The following CELF2 variants were observed in gnomAD, a reference collection of about 807,000 sequenced individuals.
The protein encoded by CELF2 is CUG triplet repeat RNA-binding protein 2.
Under a neutral mutation model 62.6 loss-of-function variants are expected in CELF2, and 8 were observed. The observed-to-expected ratio is 0.13, with a 90% CI of 0.07 to 0.23. CELF2 has a LOEUF of 0.23. Ranked by LOEUF, CELF2 falls within the 10% of genes least tolerant of loss-of-function variation. The pLI is 1.00. For missense variants in CELF2, 333 were observed against 671.0 expected, an observed-to-expected ratio of 0.50 and a Z score of 5.56; for synonymous variants, 258 against 250.0, an observed-to-expected ratio of 1.03 and a Z score of -0.30.
the CELF2 span, among the ~76,000 whole-genome samples, chr10:10,673,060 A>G: frequency 1.3e-5 from 2 of 152,036 alleles, no homozygotes; most frequent in Non-Finnish European, 2.9e-5. Context: ...ACTAATGCAA[A>G]TGGTATTGTG....
At chr10:10,913,254 GA>G (rs1401860630) in intron 1 of CELF2, among the ~76,000 whole-genome samples, 1 of 151,940 alleles carries the variant, frequency 6.6e-6, no homozygotes, top group Admixed American at 6.6e-5. Flanking sequence ...AGTGTCTTTA[GA>G]TTTTGTTTAA....
the CELF2 span, among the ~76,000 whole-genome samples, chr10:10,730,406 G>C: frequency 6.6e-6 from 1 of 152,174 alleles, no homozygotes; most frequent in African/African-American, 2.4e-5. Context: ...GAACCCGGGA[G>C]GCAGAAGTTG....
At chr10:10,495,033 T>C in the CELF2 span, among the ~76,000 whole-genome samples, 2 of 152,060 alleles carry the variant, frequency 1.3e-5, no homozygotes, top group Admixed American at 6.5e-5. Flanking sequence ...TCCCAGCACT[T>C]TGGGAGGCCG....
At position 11,316,428 on chromosome 10, in the gene CELF2, T is replaced by C. The variant is rs893567010; in HGVS notation, c.1096+2170T>C. Among the ~76,000 whole-genome samples the C allele has an allele frequency of 2.6e-5, 4 of 152,242 alleles. No individual in the cohort carries two copies. The highest frequency in any genetic ancestry group is 9.6e-5 in the African/African-American group (4 of 41,458). ...TGACCTCGAGCTAATATTTGCTGCTTGTCTCTAAATATCAACAGAAAACCT... is the reference window on the plus strand; with the variant it reads ...TGACCTCGAGCTAATATTTGCTGCTCGTCTCTAAATATCAACAGAAAACCT... On this transcript the variant is annotated intron_variant, in intron 10 of 12. Coordinates refer to ENST00000633077, the MANE Select transcript of CELF2 (RefSeq NM_001326342.2). This position sits in a 1 kb window ranked among gnomAD's most constrained non-coding sequence, Gnocchi z 4.4.
chr10:11,142,683 CAAAAAAA>C (rs1006618543), intron 1 of CELF2, among the ~76,000 whole-genome samples: 1 of 63,714 alleles, frequency 1.6e-5, no homozygotes, highest in Non-Finnish European at 3.2e-5. Context: ...GACGCTGTCT[CAAAAAAA>C]AAAAAAAAAA....
chr10:11,125,184 G>A (rs977596032), intron 1 of CELF2, among the ~76,000 whole-genome samples: 7 of 152,144 alleles, frequency 4.6e-5, no homozygotes, highest in Non-Finnish European at 7.3e-5. Flanking sequence ...GAGGACCTCT[G>A]GGCCCAGCTG....
the CELF2 span, among the ~76,000 whole-genome samples, chr10:10,567,280 A>C: frequency 6.6e-6 from 1 of 152,250 alleles, no homozygotes; most frequent in African/African-American, 2.4e-5. Flanking sequence ...CAAACCGACC[A>C]GGAAAAGTGC....
the CELF2 span, among the ~76,000 whole-genome samples, chr10:10,538,220 G>A: frequency 6.6e-6 from 1 of 152,064 alleles, no homozygotes; most frequent in Non-Finnish European, 1.5e-5. Context: ...CAAGTTGGAA[G>A]ATGAGCTGAC....
At chr10:10,550,240 C>T in the CELF2 span, among the ~76,000 whole-genome samples, 4 of 152,162 alleles carry the variant, frequency 2.6e-5, no homozygotes, top group Non-Finnish European at 5.9e-5. Context: ...AAAATATTCA[C>T]TCTTCTTTAA....
chr10:10,826,159 G>T (rs1258829166), intron 1 of CELF2, among the ~76,000 whole-genome samples: 3 of 151,842 alleles, frequency 2.0e-5, no homozygotes, highest in Admixed American at 1.3e-4. Context: ...AACTAATAGT[G>T]ATTGGATGGG....
At chr10:10,558,489 A>T in the CELF2 span, among the ~76,000 whole-genome samples, 2 of 151,752 alleles carry the variant, frequency 1.3e-5, no homozygotes, top group Admixed American at 6.6e-5. Context: ...TATTGGCCTA[A>T]AATTCTCTTT....
intron 2 of CELF2, among the ~76,000 whole-genome samples, chr10:10,965,894 C>G (rs2050070325): frequency 6.6e-6 from 1 of 152,176 alleles, no homozygotes; most frequent in Non-Finnish European, 1.5e-5. Context: ...GGATCATATT[C>G]CACAGTGTAT....
intron 1 of CELF2, among the ~76,000 whole-genome samples, chr10:10,908,420 C>T (rs149775346): frequency 0.072 from 10,841 of 151,538 alleles, 929 homozygotes; most frequent in African/African-American, 0.2. Context: ...CGGGGTTTCA[C>T]TGTGTTATCC....
chr10:10,533,596 TG>T, the CELF2 span, among the ~76,000 whole-genome samples: 91 of 152,330 alleles, frequency 6.0e-4, no homozygotes, highest in African/African-American at 2.1e-3. Flanking sequence ...AACTCCAGTT[TG>T]AATCTGGACT....
chr10:11,215,973 TGGTC>T (rs1200573319), intron 2 of CELF2, among the ~76,000 whole-genome samples: 1 of 152,214 alleles, frequency 6.6e-6, no homozygotes, highest in Non-Finnish European at 1.5e-5. Flanking sequence ...AAGTGGATTC[TGGTC>T]AAAGAACTCA....
At chr10:10,976,022 C>T (rs2051300234) in intron 2 of CELF2, among the ~76,000 whole-genome samples, 1 of 152,110 alleles carries the variant, frequency 6.6e-6, no homozygotes, top group Non-Finnish European at 1.5e-5. Context: ...AGGTTGTTGC[C>T]CTGGAAAGGG....
At position 11,141,248 on chromosome 10, in the gene CELF2, C is replaced by G. The variant is rs2061314542; in HGVS notation, c.75-24238C>G. ...GTTACTGGATGGAGCAGAATAGTTC[C>G]CTGAGAAGTGTTGTGAAGTTAAATA... On this transcript the variant is annotated intron_variant, in intron 1 of 12. Transcript: ENST00000633077. 3.9e-5 allele frequency among the ~76,000 whole-genome samples: 6 copies of G among 152,192 alleles called. No homozygotes were observed. In the South Asian group the frequency reaches 1.2e-3, roughly 32 times the overall value.
At chr10:11,204,866 C>G (rs1565285714) in intron 2 of CELF2, among the ~76,000 whole-genome samples, 1 of 152,184 alleles carries the variant, frequency 6.6e-6, no homozygotes, top group Non-Finnish European at 1.5e-5. Context: ...TTTTCTTCCT[C>G]TATTGTTGCT....
intron 2 of CELF2, among the ~76,000 whole-genome samples, chr10:10,920,911 C>G (rs1476955934): frequency 2.6e-5 from 4 of 152,022 alleles, no homozygotes; most frequent in Admixed American, 1.3e-4. Flanking sequence ...TATCTAGAAT[C>G]TCTCCTGAGC....
Sources: gnomAD v4.1 joint callset for allele counts (sites outside exome capture counted in the v4.1 genomes callset) on GRCh38, gnomAD v4.1.1 for gene constraint, Gnocchi (gnomAD v3.1) non-coding constraint, MANE v1.5 for transcripts, NCBI Gene and HGNC (gene_info 2026-07-23, HGNC 2026-07-21) for gene names.